Variants in ANKRD55 observed in about 807,000 individuals in gnomAD.
The protein encoded by ANKRD55 is ankyrin repeat domain-containing protein 55.
ANKRD55 carries 41 observed loss-of-function variants against 60.6 expected under a neutral mutation model. That is an observed-to-expected ratio of 0.68 (90% CI 0.53 to 0.88). ANKRD55 has a LOEUF of 0.88. ANKRD55 is among the 40% of genes least tolerant of loss of function. The pLI, the probability that ANKRD55 is intolerant of heterozygous loss-of-function variation, is 0.00. For missense variants in ANKRD55, 732 were observed against 767.6 expected (o/e 0.95, Z 0.55); for synonymous variants, 264 against 290.3 (o/e 0.91, Z 0.92).
intron 2 of ANKRD55, among the ~76,000 whole-genome samples, chr5:56,224,299 G>A (rs978603618): frequency 3.2e-4 from 49 of 152,268 alleles, no homozygotes; most frequent in African/African-American, 1.0e-3. Context: ...TGAGAACAAA[G>A]ACACAACATA....
chr5:56,140,899 C>A (rs1227284196), intron 7 of ANKRD55, among the ~76,000 whole-genome samples: 3 of 151,960 alleles, frequency 2.0e-5, no homozygotes, highest in African/African-American at 4.8e-5. Context: ...CCCATCTATA[C>A]TAAAAATACA....
intron 10 of ANKRD55, among the ~76,000 whole-genome samples, chr5:56,107,342 G>A (rs1756512265): frequency 6.6e-6 from 1 of 152,142 alleles, no homozygotes; most frequent in Admixed American, 6.5e-5. Flanking sequence ...TTCCATTGGA[G>A]AAATTCACCT....
intron 10 of ANKRD55, among the ~76,000 whole-genome samples, chr5:56,106,198 A>G (rs902834115): frequency 6.6e-6 from 1 of 152,158 alleles, no homozygotes; most frequent in Non-Finnish European, 1.5e-5. Context: ...GCAGGAAAGG[A>G]GGAAATCCAA....
At chr5:56,138,759 T>C (rs899081555) in intron 7 of ANKRD55, among the ~76,000 whole-genome samples, 4 of 152,172 alleles carry the variant, frequency 2.6e-5, no homozygotes, top group Admixed American at 2.0e-4. Context: ...ACAATTCCAA[T>C]CATATGACAT....
At chr5:56,212,814 C>T (rs1002302181) in intron 2 of ANKRD55, among the ~76,000 whole-genome samples, 4 of 152,114 alleles carry the variant, frequency 2.6e-5, no homozygotes, top group African/African-American at 9.7e-5. Context: ...TCAGACAGCA[C>T]ATGGGAATTA....
intron 2 of ANKRD55, among the ~76,000 whole-genome samples, chr5:56,226,547 G>C (rs1364251169): frequency 6.6e-6 from 1 of 152,086 alleles, no homozygotes; most frequent in African/African-American, 2.4e-5. Context: ...AGAGTGAACA[G>C]GCAACCTGCA....
chr5:56,221,538 A>C (rs546229400), intron 2 of ANKRD55, among the ~76,000 whole-genome samples: 167 of 152,346 alleles, frequency 1.1e-3, no homozygotes, highest in African/African-American at 3.8e-3. Context: ...GAGCCGAAGC[A>C]GGGTGAGGCA....
intron 2 of ANKRD55, among the ~76,000 whole-genome samples, chr5:56,188,208 G>A (rs1425424486): frequency 2.6e-5 from 4 of 152,066 alleles, no homozygotes; most frequent in Non-Finnish European, 5.9e-5. Context: ...GAAAAGCAAT[G>A]ATACGTTTGA....
At chr5:56,148,437 A>G (rs1210184222) in intron 6 of ANKRD55, among the ~76,000 whole-genome samples, 1 of 152,206 alleles carries the variant, frequency 6.6e-6, no homozygotes, top group Non-Finnish European at 1.5e-5. Flanking sequence ...TTAAAAATAT[A>G]AGCTCTCCAG....
At chr5:56,173,410 C>CCCACCATGT (rs1758651920) in intron 4 of ANKRD55, among the ~76,000 whole-genome samples, 1 of 151,496 alleles carries the variant, frequency 6.6e-6, no homozygotes, top group Non-Finnish European at 1.5e-5. Flanking sequence ...GTTGCCCAGG[C>CCCACCATGT]TGGTCAGGAA....
At chr5:56,111,067 C>T (rs1176685137) in intron 10 of ANKRD55, 51 bp downstream of exon 10, 1 of 1,563,918 alleles carries the variant, frequency 6.4e-7, no homozygotes, top group Non-Finnish European at 8.7e-7. Flanking sequence ...CTGTACGGGA[C>T]ATTTCCAGTA....
chr5:56,212,528 AC>A (rs1456960330), intron 2 of ANKRD55, among the ~76,000 whole-genome samples: 1 of 152,230 alleles, frequency 6.6e-6, no homozygotes, highest in Non-Finnish European at 1.5e-5. Context: ...TTAATAGCTA[AC>A]TTTTACAGAC....
At chr5:56,151,010 T>C (rs1758028161) in intron 6 of ANKRD55, among the ~76,000 whole-genome samples, 1 of 152,268 alleles carries the variant, frequency 6.6e-6, no homozygotes, top group African/African-American at 2.4e-5. Flanking sequence ...TCCTTTTTGA[T>C]ATTTTTTTCC....
chr5:56,229,181 A>G (rs1760189356), intron 2 of ANKRD55, among the ~76,000 whole-genome samples: 1 of 151,750 alleles, frequency 6.6e-6, no homozygotes, highest in South Asian at 2.1e-4. Flanking sequence ...AGTCGTGACA[A>G]AGCTTACAAT....
At chr5:56,133,286 A>G (rs1320927016) in intron 7 of ANKRD55, among the ~76,000 whole-genome samples, 1 of 152,130 alleles carries the variant, frequency 6.6e-6, no homozygotes, top group East Asian at 1.9e-4. Context: ...TAAAAATACA[A>G]AAACTAGCTG....
At chr5:56,163,368 G>A (rs1758378302) in intron 5 of ANKRD55, among the ~76,000 whole-genome samples, 1 of 151,984 alleles carries the variant, frequency 6.6e-6, no homozygotes, top group Non-Finnish European at 1.5e-5. Flanking sequence ...CAGCATCTAT[G>A]TCAATTCCTA....
intron 2 of ANKRD55, 95 bp downstream of exon 2, chr5:56,232,761 C>T: frequency 7.8e-7 from 1 of 1,283,312 alleles, no homozygotes; most frequent in Non-Finnish European, 1.1e-6. Flanking sequence ...CACACACACA[C>T]ACACACACTT....
intron 2 of ANKRD55, among the ~76,000 whole-genome samples, chr5:56,212,335 C>T (rs1052532764): frequency 2.0e-5 from 3 of 151,892 alleles, no homozygotes; most frequent in African/African-American, 7.3e-5. Flanking sequence ...GAAATTTGAC[C>T]CCTATAAGAT....
rs59422908 is a variant in ANKRD55 at position 56,175,055 on chromosome 5, A to C, written c.312+1097T>G. Among the ~76,000 whole-genome samples, 395 of 152,334 alleles carry C rather than the reference A, an allele frequency of 2.6e-3. 1 individual carries two copies. Among genetic ancestry groups the C allele is most frequent in the African/African-American group, 9.3e-3 (385 of 41,558 alleles). On this transcript the variant is annotated intron_variant, in intron 4 of 11. Transcript: ENST00000341048. ...AACAAGCACCCCAAGGGATATTGAC[A>C]CAAAAGATCTGTGGACCACAGTTTG...
Sources: allele counts gnomAD v4.1 joint callset (sites outside exome capture counted in the v4.1 genomes callset), GRCh38; gene constraint gnomAD v4.1.1; transcripts MANE v1.5; gene names NCBI Gene and HGNC (gene_info 2026-07-23, HGNC 2026-07-21).